The following SPOCK3 variants were observed in gnomAD, a reference collection of about 807,000 sequenced individuals.
SPOCK3 encodes the protein SPARC (osteonectin), cwcv and kazal like domains proteoglycan 3, also known as testican-3.
SPOCK3 carries 30 observed loss-of-function variants against 56.6 expected under a neutral mutation model. The ratio of observed to expected loss-of-function variants is 0.53; its 90% confidence interval spans 0.40 to 0.72. The LOEUF (loss-of-function observed/expected upper bound fraction) is 0.72, where lower values mean the gene tolerates loss of function less well. Ranked by LOEUF, SPOCK3 falls within the 30% of genes least tolerant of loss-of-function variation. The pLI is 0.00. For synonymous variants in SPOCK3, 196 were observed against 183.3 expected, an observed-to-expected ratio of 1.07 and a Z score of -0.56; for missense variants, 527 against 530.0, an observed-to-expected ratio of 0.99 and a Z score of 0.06.
At chr4:166,832,947 A>C (rs2126800801) in intron 6 of SPOCK3, among the ~76,000 whole-genome samples, 1 of 152,268 alleles carries the variant, frequency 6.6e-6, no homozygotes, top group East Asian at 1.9e-4. Flanking sequence ...ACTAACTATT[A>C]GGTACTATAC....
chr4:166,793,141 T>C (rs1741530483), intron 6 of SPOCK3, among the ~76,000 whole-genome samples: 1 of 152,168 alleles, frequency 6.6e-6, no homozygotes, highest in Admixed American at 6.5e-5. Flanking sequence ...CAATCCCTTG[T>C]GCATGCTGTA....
intron 4 of SPOCK3, among the ~76,000 whole-genome samples, chr4:166,960,455 G>C (rs1377820205): frequency 6.6e-6 from 1 of 152,178 alleles, no homozygotes; most frequent in African/African-American, 2.4e-5. Context: ...ATATGTGTCT[G>C]CTGTCTCAGA....
intron 4 of SPOCK3, among the ~76,000 whole-genome samples, chr4:166,963,305 T>C (rs1233704455): frequency 6.6e-6 from 1 of 151,972 alleles, no homozygotes; most frequent in East Asian, 1.9e-4. Flanking sequence ...GAAATAGAAA[T>C]GTGAGTGAGC....
intron 4 of SPOCK3, among the ~76,000 whole-genome samples, chr4:166,914,997 T>G (rs1737688609): frequency 6.6e-6 from 1 of 152,134 alleles, no homozygotes; most frequent in Non-Finnish European, 1.5e-5. Flanking sequence ...AAATGGTACT[T>G]TTTATTTAGT....
chr4:167,002,505 T>A (rs894111241), intron 3 of SPOCK3, among the ~76,000 whole-genome samples: 4 of 152,184 alleles, frequency 2.6e-5, no homozygotes, highest in African/African-American at 7.2e-5. Context: ...TGTTTCAATT[T>A]TCTCCATACT....
At chr4:167,072,259 A>G (rs1026851234) in intron 2 of SPOCK3, among the ~76,000 whole-genome samples, 20 of 152,068 alleles carry the variant, frequency 1.3e-4, no homozygotes, top group Admixed American at 1.1e-3. Context: ...AGCATACCAC[A>G]GGTCAGCAGC....
chr4:166,768,153 C>T lies in SPOCK3; in HGVS notation c.710-13424G>A, dbSNP rs187802141. 2.4e-3 allele frequency among the ~76,000 whole-genome samples: 368 copies of T among 152,222 alleles called. 2 individuals are homozygous for T. Among genetic ancestry groups the T allele is most frequent in the African/African-American group, 8.3e-3 (343 of 41,526 alleles). On this transcript the variant is annotated intron_variant, in intron 7 of 10. Coordinates refer to ENST00000357545, the MANE Select transcript of SPOCK3 (RefSeq NM_001040159.2). ...TTGACTCTTTATCCAATTTGCCAGTCTGTGTCTTTTAATTCGAGCATTTAG... is the reference window on the plus strand; with the variant it reads ...TTGACTCTTTATCCAATTTGCCAGTTTGTGTCTTTTAATTCGAGCATTTAG...
intron 2 of SPOCK3, among the ~76,000 whole-genome samples, chr4:167,072,996 T>C (rs1235763790): frequency 6.6e-6 from 1 of 151,832 alleles, no homozygotes; most frequent in African/African-American, 2.4e-5. Flanking sequence ...TATTGTTTAC[T>C]GCTTAAGCAA....
chr4:166,969,984 A>C (rs1041418523), intron 4 of SPOCK3, among the ~76,000 whole-genome samples: 3 of 152,216 alleles, frequency 2.0e-5, no homozygotes, highest in Non-Finnish European at 2.9e-5. Flanking sequence ...TAATTCTTTC[A>C]ATAATGACCA....
intron 2 of SPOCK3, among the ~76,000 whole-genome samples, chr4:167,064,905 A>C (rs1755955890): frequency 6.6e-6 from 1 of 151,476 alleles, no homozygotes; most frequent in South Asian, 2.1e-4. Context: ...GGTCAAGTTT[A>C]TGTCTGTCAG....
At chr4:166,932,022 T>A (rs115267283) in intron 4 of SPOCK3, among the ~76,000 whole-genome samples, 79 of 152,322 alleles carry the variant, frequency 5.2e-4, no homozygotes, top group Non-Finnish European at 7.4e-5. Context: ...AGAATTGTGA[T>A]GTTTTCTAAG....
intron 8 of SPOCK3, among the ~76,000 whole-genome samples, chr4:166,744,402 G>A (rs7674513): frequency 0.79 from 119,954 of 151,882 alleles, 47,615 homozygotes; most frequent in South Asian, 0.82. Context: ...CCTGACTGTT[G>A]GAAGGAAAAG....
chr4:167,149,891 T>A (rs924816065), intron 2 of SPOCK3, among the ~76,000 whole-genome samples: 1 of 151,862 alleles, frequency 6.6e-6, no homozygotes, highest in Non-Finnish European at 1.5e-5. Flanking sequence ...GATGCAGAGA[T>A]GTGAGTTTGA....
intron 2 of SPOCK3, among the ~76,000 whole-genome samples, chr4:167,153,652 C>T (rs1323040767): frequency 6.6e-6 from 1 of 152,078 alleles, no homozygotes; most frequent in Non-Finnish European, 1.5e-5. Context: ...TCTTAAGAGA[C>T]AGAAAGTCGT....
intron 2 of SPOCK3, among the ~76,000 whole-genome samples, chr4:167,092,704 T>A (rs149729132): frequency 6.6e-6 from 1 of 152,158 alleles, no homozygotes; most frequent in Non-Finnish European, 1.5e-5. Flanking sequence ...TATGTCCTTT[T>A]AACTTAATTT....
intron 6 of SPOCK3, among the ~76,000 whole-genome samples, chr4:166,870,004 A>G (rs1732288369): frequency 6.6e-6 from 1 of 152,102 alleles, no homozygotes; most frequent in Admixed American, 6.6e-5. Context: ...TAGGAACCCT[A>G]CGATGTCCTC....
At chr4:166,749,455 G>A (rs1560817139) in intron 8 of SPOCK3, among the ~76,000 whole-genome samples, 1 of 151,898 alleles carries the variant, frequency 6.6e-6, no homozygotes, top group African/African-American at 2.4e-5. Context: ...CTTGGACACA[G>A]GGTTGGGAAC....
intron 2 of SPOCK3, among the ~76,000 whole-genome samples, chr4:167,147,181 C>A (rs1473946202): frequency 6.6e-6 from 1 of 152,040 alleles, no homozygotes; most frequent in African/African-American, 2.4e-5. Flanking sequence ...TATTATAATA[C>A]CTCTATGCAA....
intron 5 of SPOCK3, among the ~76,000 whole-genome samples, chr4:166,896,940 C>T (rs1405183592): frequency 6.6e-6 from 1 of 152,060 alleles, no homozygotes; most frequent in Non-Finnish European, 1.5e-5. Flanking sequence ...GGGGGCCCCT[C>T]TGATTTACTT....
Sources: allele counts gnomAD v4.1 joint callset (sites outside exome capture counted in the v4.1 genomes callset), GRCh38; gene constraint gnomAD v4.1.1; transcripts MANE v1.5; gene names NCBI Gene and HGNC (gene_info 2026-07-23, HGNC 2026-07-21).